Variants in PYGM observed in about 807,000 individuals in gnomAD.
PYGM encodes glycogen phosphorylase, muscle associated.
A neutral mutation model predicts 99.3 loss-of-function variants in PYGM; 81 were observed. The observed-to-expected ratio is 0.82, with a 90% CI of 0.68 to 0.98. PYGM has a LOEUF of 0.98. PYGM is among the 50% of genes least tolerant of loss of function. The pLI, the probability that PYGM is intolerant of heterozygous loss-of-function variation, is 0.00. For missense variants in PYGM, 1,030 were observed against 1,158.1 expected, an observed-to-expected ratio of 0.89 and a Z score of 1.61; for synonymous variants, 436 against 451.5, an observed-to-expected ratio of 0.97 and a Z score of 0.44.
chr11:64,752,330 G>A lies in PYGM; in HGVS notation c.1620+73C>T, dbSNP rs539488214. 227 of 1,545,716 alleles carry A rather than the reference G, an allele frequency of 1.5e-4. 1 individual carries two copies. The African/African-American group carries it at 2.8e-3, about 19-fold the overall frequency. On this transcript the variant is annotated intron_variant, in intron 13 of 19. Coordinates refer to ENST00000164139, the MANE Select transcript of PYGM (RefSeq NM_005609.4). Reference sequence around the variant, plus strand: ...AGGAGAGATGAGCTCTATTTGCCACGCCTGACCCAGACATCTGGCCCCTCC... The same window carrying A: ...AGGAGAGATGAGCTCTATTTGCCACACCTGACCCAGACATCTGGCCCCTCC...
rs557485010 is a variant in PYGM at position 64,752,245 on chromosome 11, G to A, written c.1620+158C>T. 5.3e-5 allele frequency among the ~76,000 whole-genome samples: 8 copies of A among 152,294 alleles called. No homozygotes were observed. The South Asian group carries it at 1.7e-3, about 32-fold the overall frequency. ...TCAATGTCAGCACTGTTCATGTGAG[G>A]TCAGATGATGCCTTCCCACCACAGA... On this transcript the variant is annotated intron_variant, in intron 13 of 19. Coordinates refer to ENST00000164139, the MANE Select transcript of PYGM (RefSeq NM_005609.4).
rs1323277286 is a variant in PYGM at position 64,755,827 on chromosome 11, C to T, written c.661-269G>A. ...AATGGAAGGAGGCAGGTGATAAGCC[C>T]GGAACCCAGGAGGGGCTCTGTTGGC... is the stretch of plus-strand genomic sequence containing the variant. On this transcript the variant is annotated intron_variant, in intron 5 of 19. Coordinates refer to ENST00000164139, the MANE Select transcript of PYGM (RefSeq NM_005609.4). The surrounding 1 kb of genome is among the most constrained non-coding windows in gnomAD (Gnocchi z 4.1). Among the ~76,000 whole-genome samples, 1 of 152,164 alleles carries T rather than the reference C, an allele frequency of 6.6e-6. No homozygotes were observed. The highest frequency in any genetic ancestry group is 1.5e-5 in the Non-Finnish European group (1 of 68,024).
upstream of PYGM, chr11:64,760,041 T>G: frequency 1.0e-5 from 13 of 1,288,750 alleles, no homozygotes; most frequent in South Asian, 1.4e-5. Context: ...TCCCCTGCAA[T>G]GGGAGGGTCT....
chr11:64,755,956 T>C lies in PYGM; in HGVS notation c.661-398A>G, dbSNP rs2058392108. 6.6e-6 allele frequency among the ~76,000 whole-genome samples: 1 copy of C among 152,218 alleles called. No individual in the cohort carries two copies. The highest frequency in any genetic ancestry group is 2.4e-5 in the African/African-American group (1 of 41,464). ...GGGCTGGGGGAACCCAGGGCCAGGCTGAAGGGGTCACAGAGGTCAAGTCCA... is the reference window on the plus strand; with the variant it reads ...GGGCTGGGGGAACCCAGGGCCAGGCCGAAGGGGTCACAGAGGTCAAGTCCA... On this transcript the variant is annotated intron_variant, in intron 5 of 19. Coordinates refer to ENST00000164139, the MANE Select transcript of PYGM (RefSeq NM_005609.4). This position sits in a 1 kb window ranked among gnomAD's most constrained non-coding sequence, Gnocchi z 4.1.
At chr11:64,752,624 C>A in intron 12 of PYGM, 120 bp from the exon 13 acceptor site, 1 of 1,007,252 alleles carries the variant, frequency 9.9e-7, no homozygotes, top group Non-Finnish European at 1.5e-6. Context: ...TGGGGGCCCT[C>A]CCAGCCCCTC....
In PYGM at chr11:64,746,523, G is replaced by A. The variant is rs761000462; in HGVS notation, c.*136C>T. ...TAGTCACGCTGGACACTGGGACATT[G>A]AGAGTGGGGAAAATGAGGGTTCCAG... On this transcript the variant is annotated 3_prime_UTR_variant, in exon 20 of 20. Transcript: ENST00000164139. The A allele has an allele frequency of 5.6e-6, 7 of 1,250,876 alleles. No homozygotes were observed. The South Asian group carries it at 8.8e-5, about 16-fold the overall frequency. The allele number at this position is 1,250,876 out of a possible 1,614,324, so 77.5% of individuals were successfully genotyped here. A position where few individuals can be genotyped will look rare whatever the true frequency, so the allele number is the denominator to read the frequency against.
At chr11:64,747,069 G>A in intron 18 of PYGM, 82 bp from the exon 19 acceptor site, 2 of 1,577,448 alleles carry the variant, frequency 1.3e-6, no homozygotes, top group Non-Finnish European at 1.7e-6. Flanking sequence ...AGCCTGCCCT[G>A]TCCCAGTGGA....
chr11:64,750,736 C>T (rs2058350463), intron 16 of PYGM, among the ~76,000 whole-genome samples, 153 bp from the exon 17 acceptor site: 1 of 152,328 alleles, frequency 6.6e-6, no homozygotes, highest in South Asian at 2.1e-4. Flanking sequence ...CCTCTCACAC[C>T]GCACCCCCAC....
Position 64,746,528 on chromosome 11 carries a change from T to G in PYGM, c.*131A>C. On this transcript the variant is annotated 3_prime_UTR_variant, in exon 20 of 20. Transcript: ENST00000164139. Reference sequence around the variant, plus strand: ...ACGCTGGACACTGGGACATTGAGAGTGGGGAAAATGAGGGTTCCAGGAGGG... The same window carrying G: ...ACGCTGGACACTGGGACATTGAGAGGGGGGAAAATGAGGGTTCCAGGAGGG... The G allele has an allele frequency of 7.8e-7, 1 of 1,276,786 alleles. No homozygotes were observed. The highest frequency in any genetic ancestry group is 1.2e-5 in the South Asian group (1 of 81,030). 79.1% of individuals were successfully genotyped at this position (1,276,786 alleles called of 1,614,324 possible).
At position 64,758,353 on chromosome 11, in the gene PYGM, G is replaced by A. The variant is rs758523014; in HGVS notation, c.425-4C>T. 2 of 1,613,476 alleles carry A rather than the reference G, an allele frequency of 1.2e-6. No homozygotes were observed. The highest frequency in any genetic ancestry group is 4.5e-5 in the East Asian group (2 of 44,862). On this transcript the variant is annotated splice_polypyrimidine_tract_variant and splice_region_variant and intron_variant, in intron 3 of 19. Coordinates refer to ENST00000164139, the MANE Select transcript of PYGM (RefSeq NM_005609.4). ...GCCATGGAGTCAAGAAAGCAGGCTG[G>A]GGGTGTGCAGGGAGGTGGCTGTCAG...
rs769677487 is a variant in PYGM at position 64,750,365 on chromosome 11, G to T, written c.2177+11C>A. On this transcript the variant is annotated intron_variant, in intron 17 of 19. Transcript: ENST00000164139. ...TGGGTGTCTTTTGCCCGTGAACCCT[G>T]ACCCCCATACCCTCTTTGGTCAAGC... 1 of 1,613,944 alleles carries T rather than the reference G, an allele frequency of 6.2e-7. No individual in the cohort carries two copies. The highest frequency in any genetic ancestry group is 1.7e-4 in the Middle Eastern group (1 of 6,058).
chr11:64,755,528 C>T lies in PYGM; in HGVS notation c.691G>A (p.Val231Met), dbSNP rs763524554. 8.7e-6 allele frequency: 14 copies of T among 1,613,948 alleles called. No homozygotes were observed. Among genetic ancestry groups the T allele is most frequent in the South Asian group, 2.2e-5 (2 of 91,084 alleles). The part of the protein sequence containing the change: ...VVLAMPYDTP[V>M]PGYRNNVVNT... The stretch of plus-strand genomic sequence containing the variant: ...ACAACATTGTTGCGATAGCCAGGCA[C>T]GGGCGTATCGTAGGGCATGGCCAGT... The change falls in exon 6 of 20, where the codon GTG becomes ATG. Residue 231 changes from valine to methionine, a missense_variant. Transcript: ENST00000164139. The surrounding 1 kb of genome is among the most constrained non-coding windows in gnomAD (Gnocchi z 4.1).
At position 64,754,001 on chromosome 11, in the gene PYGM, A is replaced by G. The variant is rs985454554; in HGVS notation, c.1117T>C (p.Cys373Arg). 6.2e-7 allele frequency: 1 copy of G among 1,605,806 alleles called. No individual in the cohort carries two copies. The highest frequency in any genetic ancestry group is 8.5e-7 in the Non-Finnish European group (1 of 1,176,148). The part of the protein sequence containing the change: ...DKAWDVTVRT[C>R]AYTNHTVLPE... ...AGCACCGTGTGGTTGGTGTAGGCAC[A>G]GGTCCTCACTGTCACATCCCACGCC... The change falls in exon 10 of 20, where the codon TGT (cysteine) becomes CGT (arginine). Residue 373 changes from cysteine (C) to arginine (R), a missense_variant. Cys to Arg is a radical substitution (Grantham distance 180). Transcript: ENST00000164139. This position sits in a 1 kb window ranked among gnomAD's most constrained non-coding sequence, Gnocchi z 5.5.
chr11:64,749,793 A>T (rs1322737651), intron 17 of PYGM, among the ~76,000 whole-genome samples: 3 of 136,324 alleles, frequency 2.2e-5, no homozygotes, highest in Admixed American at 7.4e-5. Context: ...GGGAGCAAGG[A>T]TTTTTTTTTT....
chr11:64,759,671 A>T lies in PYGM; in HGVS notation c.228T>A (p.Tyr76Ter). 6.2e-7 allele frequency: 1 copy of T among 1,613,686 alleles called. No individual in the cohort carries two copies. The highest frequency in any genetic ancestry group is 8.5e-7 in the Non-Finnish European group (1 of 1,179,866). The part of the protein sequence containing the change: ...GRWIRTQQHY[Y>*]EKDPKRIYYL... ...CCAGCAGCACCTTGGGGTCCTTCTC[A>T]TAGTAGTGCTGCTGCGTGCGGATCC... Residue 76 changes from tyrosine to a stop codon, truncating the protein, a stop_gained, in exon 1 of 20, where the codon TAT (tyrosine) becomes TAA (stop). Transcript: ENST00000164139. LOFTEE classifies it high-confidence loss of function.
chr11:64,758,826 C>T, intron 1 of PYGM, 122 bp from the exon 2 acceptor site: 1 of 860,878 alleles, frequency 1.2e-6, no homozygotes, highest in East Asian at 2.6e-5. Context: ...TCCCTGTCCC[C>T]AATTTGTTTC....
intron 17 of PYGM, 124 bp downstream of exon 17, chr11:64,750,252 G>C (rs545340196): frequency 9.7e-7 from 1 of 1,030,816 alleles, no homozygotes; most frequent in African/African-American, 1.6e-5. Context: ...CCAGAATCCT[G>C]CTGGCCATGA....
At position 64,759,942 on chromosome 11, in the gene PYGM, C is replaced by T. The variant is rs775001981; in HGVS notation, c.-44G>A. On this transcript the variant is annotated 5_prime_UTR_variant, in exon 1 of 20. Transcript: ENST00000164139. ...CGGACTGGACTGATGGTAGAGGGGA[C>T]GGCGGCCTCAGCACTGCCTCCAGCC... is the stretch of plus-strand genomic sequence containing the variant. 4.4e-6 allele frequency: 7 copies of T among 1,607,462 alleles called. No individual in the cohort carries two copies. The highest frequency in any genetic ancestry group is 3.3e-5 in the Admixed American group (2 of 59,912).
Position 64,751,604 on chromosome 11 carries a change from C to T in PYGM, c.1820G>A (p.Gly607Glu). ...KFFVPRTVMI[G>E]GKAAPGYHMA... ...TGGAGCCTGGCTTCTCACCTTCCCT[C>T]CAATCATCACAGTCCGAGGCACAAA... The change falls in exon 15 of 20, where the codon GGA (glycine) becomes GAA (glutamate). Residue 607 changes from glycine to glutamate, a missense_variant. Gly to Glu is a moderately conservative substitution (Grantham distance 98). Coordinates refer to ENST00000164139, the MANE Select transcript of PYGM (RefSeq NM_005609.4). The T allele has an allele frequency of 6.2e-7, 1 of 1,614,066 alleles. No individual in the cohort carries two copies.
Sources: gnomAD v4.1 joint callset for allele counts (sites outside exome capture counted in the v4.1 genomes callset) on GRCh38, gnomAD v4.1.1 for gene constraint, Gnocchi (gnomAD v3.1) non-coding constraint, MANE v1.5 for transcripts, NCBI Gene and HGNC (gene_info 2026-07-23, HGNC 2026-07-21) for gene names.